The following HECA variants were observed in gnomAD, a reference collection of about 807,000 sequenced individuals.
The protein encoded by HECA is headcase protein homolog.
Under a neutral mutation model 37.6 loss-of-function variants are expected in HECA, and 13 were observed. The observed-to-expected ratio is 0.35, with a 90% CI of 0.23 to 0.55. The LOEUF (loss-of-function observed/expected upper bound fraction) is 0.55. Ranked by LOEUF, HECA falls within the 20% of genes least tolerant of loss-of-function variation. The pLI is 0.90. For synonymous variants in HECA, 307 were observed against 291.5 expected, an observed-to-expected ratio of 1.05 and a Z score of -0.54; for missense variants, 527 against 701.9, an observed-to-expected ratio of 0.75 and a Z score of 2.82.
Position 139,166,652 on chromosome 6 carries a change from C to T in HECA, c.640C>T (p.Pro214Ser). The change falls in exon 2 of 4, where the codon CCT becomes TCT. Residue 214 changes from proline (P) to serine (S), a missense_variant. Pro to Ser is a moderately conservative substitution (Grantham distance 74, BLOSUM62 -1). This residue lies in a region of HECA where 228 missense variants were observed against 259.8 expected (regional missense o/e 0.88). Transcript: ENST00000367658. ...TGGCTCCGAGAAGAACACAGGGAGGCCTCCTGGTGAGGCGGCGGAGGAGGC... is the reference window on the plus strand; with the variant it reads ...TGGCTCCGAGAAGAACACAGGGAGGTCTCCTGGTGAGGCGGCGGAGGAGGC... The part of the protein sequence containing the change: ...KSGSEKNTGR[P>S]PGEAAEEAKK... The T allele has an allele frequency of 1.9e-6, 3 of 1,614,124 alleles. No homozygotes were observed. The highest frequency in any genetic ancestry group is 1.1e-5 in the South Asian group (1 of 91,078).
intron 1 of HECA, among the ~76,000 whole-genome samples, chr6:139,157,091 T>C (rs1160524044): frequency 6.6e-6 from 1 of 152,242 alleles, no homozygotes; most frequent in African/African-American, 2.4e-5. Flanking sequence ...TTCTTGATGA[T>C]ACACTAAACA....
chr6:139,151,430 A>G (rs910099753), intron 1 of HECA, among the ~76,000 whole-genome samples: 5 of 149,874 alleles, frequency 3.3e-5, no homozygotes, highest in Non-Finnish European at 7.4e-5. Context: ...CAATCCGTTT[A>G]ACTAAACAGA....
chr6:139,163,309 C>T (rs1035643001), intron 1 of HECA, among the ~76,000 whole-genome samples: 2 of 151,632 alleles, frequency 1.3e-5, no homozygotes, highest in African/African-American at 4.9e-5. Flanking sequence ...TGGAGAAGCA[C>T]CGATGTTACC....
At position 139,138,135 on chromosome 6, in the gene HECA, CTTTCTTTGTTTT is replaced by C. The variant is rs568058172; in HGVS notation, c.271+2479_271+2490del. 1.4e-4 allele frequency among the ~76,000 whole-genome samples: 21 copies of C among 152,064 alleles called. 1 individual carries two copies. In the South Asian group the frequency reaches 3.7e-3, roughly 27 times the overall value. On this transcript the variant is annotated intron_variant, in intron 1 of 3. Coordinates refer to ENST00000367658, the MANE Select transcript of HECA (RefSeq NM_016217.3). ...AATGCTTTTTTCTTTTCTTTTCTTT[CTTTCTTTGTTTT>C]TTTCTTTGTTATTTAAAGCTATAGT...
intron 1 of HECA, among the ~76,000 whole-genome samples, chr6:139,153,665 C>T (rs540247190): frequency 3.7e-4 from 57 of 152,026 alleles, no homozygotes; most frequent in Non-Finnish European, 4.9e-4. Context: ...GTGATCCTCC[C>T]GCCTCAGCCT....
chr6:139,167,035 G>C lies in HECA; in HGVS notation c.1023G>C (p.Val341=), dbSNP rs1270192006. 2.5e-6 allele frequency: 4 copies of C among 1,614,224 alleles called. No individual in the cohort carries two copies. The highest frequency in any genetic ancestry group is 3.4e-6 in the Non-Finnish European group (4 of 1,180,040). ...VHRGGHFDTP[V]QFLRRLDLSE... is the part of the protein sequence containing the mutation. ...GGGGGGGACACTTCGACACCCCCGT[G>C]CAGTTCCTTCGGCGGCTGGACCTCT... The change falls in exon 2 of 4, where the codon GTG becomes GTC. Residue 341 remains valine (V), a synonymous_variant. Transcript: ENST00000367658.
At chr6:139,165,207 A>G (rs1001190977) in intron 1 of HECA, among the ~76,000 whole-genome samples, 43 of 152,354 alleles carry the variant, frequency 2.8e-4, no homozygotes, top group Admixed American at 9.8e-4. Flanking sequence ...CTAGTATCCC[A>G]TGGAACCAGG....
intron 2 of HECA, among the ~76,000 whole-genome samples, chr6:139,171,340 G>A (rs1337224700): frequency 1.3e-5 from 2 of 152,156 alleles, no homozygotes; most frequent in Non-Finnish European, 2.9e-5. Flanking sequence ...TTGTGTGTGC[G>A]TATATATACA....
intron 1 of HECA, among the ~76,000 whole-genome samples, chr6:139,137,630 C>T: frequency 1.4e-5 from 1 of 70,870 alleles, no homozygotes; most frequent in Non-Finnish European, 2.7e-5. Flanking sequence ...CCTACCAGCT[C>T]CTTTTTTTTT....
rs1774414083 is a variant in HECA, at chr6:139,135,203, C to T, written c.-194C>T. ...AGCCTCGGGTGGCCGCGTGCCGGCT[C>T]CAGGAAGCCGGAGAGGGCGCGGCGG... is the stretch of plus-strand genomic sequence containing the variant. On this transcript the variant is annotated 5_prime_UTR_variant, in exon 1 of 4. Coordinates refer to ENST00000367658, the MANE Select transcript of HECA (RefSeq NM_016217.3). 1 of 328,574 alleles carries T rather than the reference C, an allele frequency of 3.0e-6. No homozygotes were observed. The highest frequency in any genetic ancestry group is 4.7e-6 in the Non-Finnish European group (1 of 214,166). 20.4% of individuals were successfully genotyped at this position (328,574 alleles called of 1,614,324 possible).
chr6:139,141,036 C>T (rs1774507263), intron 1 of HECA, among the ~76,000 whole-genome samples: 1 of 152,212 alleles, frequency 6.6e-6, no homozygotes, highest in Non-Finnish European at 1.5e-5. Context: ...GAGATCCGCC[C>T]ACCTCGGCCT....
intron 1 of HECA, among the ~76,000 whole-genome samples, chr6:139,137,588 T>C (rs1398242260): frequency 6.6e-6 from 1 of 150,814 alleles, no homozygotes; most frequent in African/African-American, 2.4e-5. Flanking sequence ...ATTCCTGTTC[T>C]GGTGGTGGTT....
In HECA at chr6:139,144,608, C is replaced by T. The variant is rs1175139405; in HGVS notation, c.271+8941C>T. The stretch of plus-strand genomic sequence containing the variant: ...TGGATGTTTGTAGCCAGTGGAGAAC[C>T]GCCCACCTAGGTTTATAAACAAGGA... On this transcript the variant is annotated intron_variant, in intron 1 of 3. Coordinates refer to ENST00000367658, the MANE Select transcript of HECA (RefSeq NM_016217.3). The T allele has an allele frequency of 3.9e-5, 6 of 152,498 alleles. No homozygotes were observed. In the South Asian group the frequency reaches 6.2e-4, roughly 16 times the overall value. The allele number at this position is 152,498 out of a possible 1,614,324, so 9.4% of individuals were successfully genotyped here.
At chr6:139,141,680 G>A (rs1225810098) in intron 1 of HECA, among the ~76,000 whole-genome samples, 3 of 151,896 alleles carry the variant, frequency 2.0e-5, no homozygotes, top group Admixed American at 6.6e-5. Context: ...TGAAAGGGAT[G>A]AACTTGTTCC....
At chr6:139,146,136 T>C (rs1774581165) in intron 1 of HECA, among the ~76,000 whole-genome samples, 1 of 152,232 alleles carries the variant, frequency 6.6e-6, no homozygotes, top group Admixed American at 6.5e-5. Context: ...CATTTCTTTT[T>C]ATTTCATTTT....
chr6:139,140,662 C>T (rs1171354580), intron 1 of HECA, among the ~76,000 whole-genome samples: 4 of 152,236 alleles, frequency 2.6e-5, no homozygotes, highest in Non-Finnish European at 5.9e-5. Flanking sequence ...GGGAAAATCT[C>T]TTGCAGCTTA....
In HECA at chr6:139,156,418, C is replaced by T. The variant is rs142592715; in HGVS notation, c.272-9866C>T. Among the ~76,000 whole-genome samples, 910 of 152,234 alleles carry T rather than the reference C, an allele frequency of 6.0e-3. 6 individuals are homozygous for T. Among genetic ancestry groups the T allele is most frequent in the African/African-American group, 0.021 (853 of 41,536 alleles). Reference sequence around the variant, plus strand: ...AGAGATGAGATCTCACCATGTTGCCCAGGCTGGTTTTGAACTCCTGGGCTG... The same window carrying T: ...AGAGATGAGATCTCACCATGTTGCCTAGGCTGGTTTTGAACTCCTGGGCTG... On this transcript the variant is annotated intron_variant, in intron 1 of 3. Transcript: ENST00000367658.
Position 139,166,684 on chromosome 6 carries a change from G to A in HECA, c.672G>A (p.Lys224=), listed in dbSNP as rs1774890645. Residue 224 remains lysine, a synonymous_variant, in exon 2 of 4, where the codon AAG becomes AAA. Coordinates refer to ENST00000367658, the MANE Select transcript of HECA (RefSeq NM_016217.3). ...GTGAGGCGGCGGAGGAGGCAAAAAAGTGCAGGCCCCCAAATAAGCCCCAGA... is the reference window on the plus strand; with the variant it reads ...GTGAGGCGGCGGAGGAGGCAAAAAAATGCAGGCCCCCAAATAAGCCCCAGA... The part of the protein sequence containing the change: ...PPGEAAEEAK[K]CRPPNKPQKG... The A allele has an allele frequency of 6.2e-7, 1 of 1,613,582 alleles. No individual in the cohort carries two copies. The highest frequency in any genetic ancestry group is 8.5e-7 in the Non-Finnish European group (1 of 1,179,752).
Position 139,136,281 on chromosome 6 carries a change from A to G in HECA, c.271+614A>G, listed in dbSNP as rs1024932532. On this transcript the variant is annotated intron_variant, in intron 1 of 3. Transcript: ENST00000367658. Reference sequence around the variant, plus strand: ...CAGCCCGGAGTTAAAAAAAAAAAAAAAAAAAGAAAAGAAAGAAAAGAAAAA... The same window carrying G: ...CAGCCCGGAGTTAAAAAAAAAAAAAGAAAAAGAAAAGAAAGAAAAGAAAAA... Among the ~76,000 whole-genome samples, 290 of 151,832 alleles carry G rather than the reference A, an allele frequency of 1.9e-3. 1 individual carries two copies. Among genetic ancestry groups the G allele is most frequent in the Non-Finnish European group, 3.6e-3 (245 of 67,914 alleles).
Sources: gnomAD v4.1 joint callset for allele counts (sites outside exome capture counted in the v4.1 genomes callset) on GRCh38, gnomAD v4.1.1 for gene constraint, gnomAD v4.1.1 regional missense constraint, MANE v1.5 for transcripts, NCBI Gene and HGNC (gene_info 2026-07-23, HGNC 2026-07-21) for gene names.